The following FRAT2 variants were observed in gnomAD, a reference collection of about 807,000 sequenced individuals.
FRAT2 encodes FRAT regulator of Wnt signaling pathway 2, also known as GSK-3-binding protein FRAT2.
For synonymous variants in FRAT2, 205 were observed against 171.5 expected (o/e 1.20, Z -1.53); for missense variants, 326 against 340.8 (o/e 0.96, Z 0.34).
At position 97,334,510 on chromosome 10, in the gene FRAT2, C is replaced by G; in HGVS notation, c.63G>C (p.Glu21Asp). 2 of 1,494,136 alleles carry G rather than the reference C, an allele frequency of 1.3e-6. No individual in the cohort carries two copies. Among genetic ancestry groups the G allele is most frequent in the Admixed American group, 2.1e-5 (1 of 46,584 alleles). The allele number at this position is 1,494,136 out of a possible 1,614,324, so 92.6% of individuals were successfully genotyped here. The change falls in exon 1 of 1, where the codon GAG becomes GAC. Residue 21 changes from glutamate to aspartate, a missense_variant. By Grantham distance (45) the Glu-to-Asp change is conservative. Coordinates refer to ENST00000371019, the MANE Select transcript of FRAT2 (RefSeq NM_012083.3). ...AGEEAEGEEE[E>D]DDSFLLLQQS... ...GCTGCAGCAGGAGGAAGCTGTCGTC[C>G]TCCTCTTCCTCCCCCTCCGCCTCCT...
rs1166700877 is a variant in FRAT2 at position 97,333,817 on chromosome 10, G to A, written c.*54C>T. 7.1e-7 allele frequency: 1 copy of A among 1,413,504 alleles called. No individual in the cohort carries two copies. The highest frequency in any genetic ancestry group is 9.2e-7 in the Non-Finnish European group (1 of 1,085,752). 87.6% of individuals were successfully genotyped at this position (1,413,504 alleles called of 1,614,324 possible). The stretch of plus-strand genomic sequence containing the variant: ...CTTCAGCTCAGAGTTAGTAGGAACT[G>A]GACGCTGTTGGGTCTACGCAGCGGC... On this transcript the variant is annotated 3_prime_UTR_variant, in exon 1 of 1. Transcript: ENST00000371019.
rs936484227 is a variant in FRAT2, at chr10:97,334,718, T to G, written c.-146A>C. On this transcript the variant is annotated 5_prime_UTR_variant, in exon 1 of 1. Coordinates refer to ENST00000371019, the MANE Select transcript of FRAT2 (RefSeq NM_012083.3). Reference sequence around the variant, plus strand: ...ACTCGAGCCACGCGCCTGCAGCCGCTGGAGCCGGAATCCTGCCGGCTCGGG... The same window carrying G: ...ACTCGAGCCACGCGCCTGCAGCCGCGGGAGCCGGAATCCTGCCGGCTCGGG... The G allele has an allele frequency of 1.5e-5, 15 of 971,500 alleles. No individual in the cohort carries two copies. The highest frequency in any genetic ancestry group is 1.2e-4 in the African/African-American group (7 of 58,870). 60.2% of individuals were successfully genotyped at this position (971,500 alleles called of 1,614,324 possible).
Position 97,334,621 on chromosome 10 carries a change from G to A in FRAT2, c.-49C>T. The A allele has an allele frequency of 2.3e-6, 3 of 1,315,098 alleles. No homozygotes were observed. The highest frequency in any genetic ancestry group is 2.2e-4 in the Middle Eastern group (1 of 4,550). The allele number at this position is 1,315,098 out of a possible 1,614,324, so 81.5% of individuals were successfully genotyped here. A position where few individuals can be genotyped will look rare whatever the true frequency, so the allele number is the denominator to read the frequency against. On this transcript the variant is annotated 5_prime_UTR_variant, in exon 1 of 1. Coordinates refer to ENST00000371019, the MANE Select transcript of FRAT2 (RefSeq NM_012083.3). ...GCTGTGCGGGCTTCGCTGGGGGCTT[G>A]GTTGCCCGCGGGCGCGGAGCTGCGG...
At position 97,334,574 on chromosome 10, in the gene FRAT2, G is replaced by T. The variant is rs763443852; in HGVS notation, c.-2C>A. Reference sequence around the variant, plus strand: ...TTCCTCCTCCCTCCGGCACGGCATGGCCCCCCGTCCTGGCACCCGGAGCTG... The same window carrying T: ...TTCCTCCTCCCTCCGGCACGGCATGTCCCCCCGTCCTGGCACCCGGAGCTG... On this transcript the variant is annotated 5_prime_UTR_variant, in exon 1 of 1. Transcript: ENST00000371019. 2.1e-6 allele frequency: 3 copies of T among 1,443,894 alleles called. No individual in the cohort carries two copies. In the African/African-American group the frequency reaches 4.4e-5, roughly 21 times the overall value. 89.4% of individuals were successfully genotyped at this position (1,443,894 alleles called of 1,614,324 possible).
chr10:97,334,598 T>A lies in FRAT2; in HGVS notation c.-26A>T, dbSNP rs1843560413. 2.9e-6 allele frequency: 4 copies of A among 1,382,584 alleles called. No homozygotes were observed. The highest frequency in any genetic ancestry group is 1.5e-5 in the South Asian group (1 of 65,094). The allele number at this position is 1,382,584 out of a possible 1,614,324, so 85.6% of individuals were successfully genotyped here. On this transcript the variant is annotated 5_prime_UTR_variant, in exon 1 of 1. Transcript: ENST00000371019. ...GGCCCCCCGTCCTGGCACCCGGAGC[T>A]GTGCGGGCTTCGCTGGGGGCTTGGT...
Position 97,334,549 on chromosome 10 carries a change from T to A in FRAT2, c.24A>T (p.Glu8Asp). 1 of 1,476,408 alleles carries A rather than the reference T, an allele frequency of 6.8e-7. No homozygotes were observed. Among genetic ancestry groups the A allele is most frequent in the Non-Finnish European group, 9.0e-7 (1 of 1,115,994 alleles). The allele number at this position is 1,476,408 out of a possible 1,614,324, so 91.5% of individuals were successfully genotyped here. MPCRREE[E>D]EEAGEEAEGE... ...CCTCCGCCTCCTCGCCGGCTTCCTCTTCCTCCTCCCTCCGGCACGGCATGG... is the reference window on the plus strand; with the variant it reads ...CCTCCGCCTCCTCGCCGGCTTCCTCATCCTCCTCCCTCCGGCACGGCATGG... Residue 8 changes from glutamate (E) to aspartate (D), a missense_variant, in exon 1 of 1, where the codon GAA becomes GAT. Glu to Asp is a conservative substitution (Grantham distance 45). Coordinates refer to ENST00000371019, the MANE Select transcript of FRAT2 (RefSeq NM_012083.3).
In FRAT2 at chr10:97,334,489, CA is replaced by C; in HGVS notation, c.83del (p.Leu28ArgfsTer5). The C allele has an allele frequency of 6.7e-7, 1 of 1,493,780 alleles. No homozygotes were observed. Among genetic ancestry groups the C allele is most frequent in the South Asian group, 1.2e-5 (1 of 80,360 alleles). The allele number at this position is 1,493,780 out of a possible 1,614,324, so 92.5% of individuals were successfully genotyped here. A position where few individuals can be genotyped will look rare whatever the true frequency, so the allele number is the denominator to read the frequency against. ...AGCTGCCCAGCGTCACCGACTGCTG[CA>C]GCAGGAGGAAGCTGTCGTCCTCCTC... ...EEEEDDSFLLLQQSVTLGSSG... is the reference protein window; with the variant it reads ...EEEEDDSFLLXQQSVTLGSSG... On this transcript the variant is annotated frameshift_variant, in exon 1 of 1. Transcript: ENST00000371019. LOFTEE classifies it low-confidence loss of function (END_TRUNC).
chr10:97,333,883 G>A lies in FRAT2; in HGVS notation c.690C>T (p.Gly230=), dbSNP rs1451944214. The change falls in exon 1 of 1, where the codon GGC becomes GGT. Residue 230 remains glycine (G), a synonymous_variant. Coordinates refer to ENST00000371019, the MANE Select transcript of FRAT2 (RefSeq NM_012083.3). Reference sequence around the variant, plus strand: ...CAGGAGGCCTGCGTCAGAGCAAGGAGCCTGAGGGCTGCAGGGCAATGCGGT... The same window carrying A: ...CAGGAGGCCTGCGTCAGAGCAAGGAACCTGAGGGCTGCAGGGCAATGCGGT... ...GPDRIALQPS[G]SLL The A allele has an allele frequency of 6.5e-7, 1 of 1,539,008 alleles. No homozygotes were observed. Among genetic ancestry groups the A allele is most frequent in the Non-Finnish European group, 8.7e-7 (1 of 1,148,318 alleles).
In FRAT2 at chr10:97,333,817, G is replaced by T; in HGVS notation, c.*54C>A. 1 of 1,413,504 alleles carries T rather than the reference G, an allele frequency of 7.1e-7. No homozygotes were observed. The highest frequency in any genetic ancestry group is 2.7e-5 in the East Asian group (1 of 36,914). The allele number at this position is 1,413,504 out of a possible 1,614,324, so 87.6% of individuals were successfully genotyped here. Reference sequence around the variant, plus strand: ...CTTCAGCTCAGAGTTAGTAGGAACTGGACGCTGTTGGGTCTACGCAGCGGC... The same window carrying T: ...CTTCAGCTCAGAGTTAGTAGGAACTTGACGCTGTTGGGTCTACGCAGCGGC... On this transcript the variant is annotated 3_prime_UTR_variant, in exon 1 of 1. Transcript: ENST00000371019.
In FRAT2 at chr10:97,334,585, T is replaced by G; in HGVS notation, c.-13A>C. The stretch of plus-strand genomic sequence containing the variant: ...TCCGGCACGGCATGGCCCCCCGTCC[T>G]GGCACCCGGAGCTGTGCGGGCTTCG... On this transcript the variant is annotated 5_prime_UTR_variant, in exon 1 of 1. Coordinates refer to ENST00000371019, the MANE Select transcript of FRAT2 (RefSeq NM_012083.3). 2.8e-6 allele frequency: 4 copies of G among 1,428,138 alleles called. No homozygotes were observed. The highest frequency in any genetic ancestry group is 3.7e-6 in the Non-Finnish European group (4 of 1,086,988). The allele number at this position is 1,428,138 out of a possible 1,614,324, so 88.5% of individuals were successfully genotyped here. A position where few individuals can be genotyped will look rare whatever the true frequency, so the allele number is the denominator to read the frequency against.
Position 97,334,480 on chromosome 10 carries a change from C to A in FRAT2, c.93G>T (p.Ser31=). The part of the protein sequence containing the change: ...EDDSFLLLQQ[S]VTLGSSGEVD... Reference sequence around the variant, plus strand: ...CCTCGCCCGAGCTGCCCAGCGTCACCGACTGCTGCAGCAGGAGGAAGCTGT... The same window carrying A: ...CCTCGCCCGAGCTGCCCAGCGTCACAGACTGCTGCAGCAGGAGGAAGCTGT... Residue 31 remains serine (S), a synonymous_variant, in exon 1 of 1, where the codon TCG becomes TCT. Coordinates refer to ENST00000371019, the MANE Select transcript of FRAT2 (RefSeq NM_012083.3). The A allele has an allele frequency of 6.7e-7, 1 of 1,493,484 alleles. No individual in the cohort carries two copies. The allele number at this position is 1,493,484 out of a possible 1,614,324, so 92.5% of individuals were successfully genotyped here. A position where few individuals can be genotyped will look rare whatever the true frequency, so the allele number is the denominator to read the frequency against.
chr10:97,334,471 C>A lies in FRAT2; in HGVS notation c.102G>T (p.Leu34=). 1 of 1,492,172 alleles carries A rather than the reference C, an allele frequency of 6.7e-7. No homozygotes were observed. The allele number at this position is 1,492,172 out of a possible 1,614,324, so 92.4% of individuals were successfully genotyped here. The change falls in exon 1 of 1, where the codon CTG becomes CTT. Residue 34 remains leucine (L), a synonymous_variant. Transcript: ENST00000371019. Reference sequence around the variant, plus strand: ...GCCGGTCCACCTCGCCCGAGCTGCCCAGCGTCACCGACTGCTGCAGCAGGA... The same window carrying A: ...GCCGGTCCACCTCGCCCGAGCTGCCAAGCGTCACCGACTGCTGCAGCAGGA... ...SFLLLQQSVT[L]GSSGEVDRLV... is the part of the protein sequence containing the mutation.
Position 97,334,097 on chromosome 10 carries a change from T to A in FRAT2, c.476A>T (p.Gln159Leu). The A allele has an allele frequency of 6.3e-7, 1 of 1,587,646 alleles. No individual in the cohort carries two copies. The highest frequency in any genetic ancestry group is 8.5e-7 in the Non-Finnish European group (1 of 1,175,782). Residue 159 changes from glutamine to leucine, a missense_variant, in exon 1 of 1, where the codon CAG becomes CTG. Transcript: ENST00000371019. ...LRDAVTSRRLQQRRWTQAGAR... is the reference protein window; with the variant it reads ...LRDAVTSRRLLQRRWTQAGAR... ...CCCGGCTTGGGTCCATCGGCGCTGC[T>A]GCAAGCGGCGGGAGGTGACCGCGTC...
In FRAT2 at chr10:97,334,201, G is replaced by T; in HGVS notation, c.372C>A (p.Arg124=). The T allele has an allele frequency of 7.8e-7, 1 of 1,276,956 alleles. No individual in the cohort carries two copies. The highest frequency in any genetic ancestry group is 9.8e-7 in the Non-Finnish European group (1 of 1,017,256). The allele number at this position is 1,276,956 out of a possible 1,614,324, so 79.1% of individuals were successfully genotyped here. ...ALGDRGRVRG[R]AAPYCVAEVA... Reference sequence around the variant, plus strand: ...CCTCCGCCACGCAGTAGGGCGCAGCGCGTCCGCGCACGCGGCCGCGGTCCC... The same window carrying T: ...CCTCCGCCACGCAGTAGGGCGCAGCTCGTCCGCGCACGCGGCCGCGGTCCC... Residue 124 remains arginine, a synonymous_variant, in exon 1 of 1, where the codon CGC becomes CGA. Transcript: ENST00000371019.
In FRAT2 at chr10:97,333,826, T is replaced by G. The variant is rs1843547567; in HGVS notation, c.*45A>C. 1.4e-6 allele frequency: 2 copies of G among 1,428,782 alleles called. No homozygotes were observed. The highest frequency in any genetic ancestry group is 2.9e-5 in the African/African-American group (2 of 68,058). 88.5% of individuals were successfully genotyped at this position (1,428,782 alleles called of 1,614,324 possible). A position where few individuals can be genotyped will look rare whatever the true frequency, so the allele number is the denominator to read the frequency against. ...AGAGTTAGTAGGAACTGGACGCTGT[T>G]GGGTCTACGCAGCGGCCTCCACTTC... On this transcript the variant is annotated 3_prime_UTR_variant, in exon 1 of 1. Coordinates refer to ENST00000371019, the MANE Select transcript of FRAT2 (RefSeq NM_012083.3).
At position 97,333,963 on chromosome 10, in the gene FRAT2, C is replaced by T; in HGVS notation, c.610G>A (p.Ala204Thr). Reference sequence around the variant, plus strand: ...GGGGCGCTTGCGGGGCCCGTGGCTGCAACCGCGGCGACGGCTCGTTGGAGT... The same window carrying T: ...GGGGCGCTTGCGGGGCCCGTGGCTGTAACCGCGGCGACGGCTCGTTGGAGT... ...RRLQRAVAAV[A>T]ATGPASAPGP... Residue 204 changes from alanine to threonine, a missense_variant, in exon 1 of 1, where the codon GCA becomes ACA. Ala to Thr is a moderately conservative substitution (Grantham distance 58, BLOSUM62 0). Coordinates refer to ENST00000371019, the MANE Select transcript of FRAT2 (RefSeq NM_012083.3). 6.3e-7 allele frequency: 1 copy of T among 1,579,518 alleles called. No individual in the cohort carries two copies.
chr10:97,334,614 G>A lies in FRAT2; in HGVS notation c.-42C>T. 2.3e-6 allele frequency: 3 copies of A among 1,325,408 alleles called. No individual in the cohort carries two copies. Among genetic ancestry groups the A allele is most frequent in the Non-Finnish European group, 2.9e-6 (3 of 1,033,184 alleles). 82.1% of individuals were successfully genotyped at this position (1,325,408 alleles called of 1,614,324 possible). On this transcript the variant is annotated 5_prime_UTR_variant, in exon 1 of 1. Coordinates refer to ENST00000371019, the MANE Select transcript of FRAT2 (RefSeq NM_012083.3). ...ACCCGGAGCTGTGCGGGCTTCGCTG[G>A]GGGCTTGGTTGCCCGCGGGCGCGGA...
Position 97,334,616 on chromosome 10 carries a change from G to A in FRAT2, c.-44C>T. 1 of 1,321,610 alleles carries A rather than the reference G, an allele frequency of 7.6e-7. No individual in the cohort carries two copies. Among genetic ancestry groups the A allele is most frequent in the Non-Finnish European group, 9.7e-7 (1 of 1,031,480 alleles). 81.9% of individuals were successfully genotyped at this position (1,321,610 alleles called of 1,614,324 possible). On this transcript the variant is annotated 5_prime_UTR_variant, in exon 1 of 1. Coordinates refer to ENST00000371019, the MANE Select transcript of FRAT2 (RefSeq NM_012083.3). ...CCGGAGCTGTGCGGGCTTCGCTGGG[G>A]GCTTGGTTGCCCGCGGGCGCGGAGC...
rs1473512186 is a variant in FRAT2 at position 97,334,054 on chromosome 10, G to C, written c.519C>G (p.Asp173Glu). The C allele has an allele frequency of 1.3e-6, 2 of 1,595,360 alleles. No individual in the cohort carries two copies. The highest frequency in any genetic ancestry group is 2.2e-5 in the South Asian group (2 of 90,636). The change falls in exon 1 of 1, where the codon GAC becomes GAG. Residue 173 changes from aspartate to glutamate, a missense_variant. By Grantham distance (45) the Asp-to-Glu change is conservative. Transcript: ENST00000371019. Reference sequence around the variant, plus strand: ...GCTGCTGGAGGAGCCGATGCGGGTCGTCGTCGCCGGCGCGTGCCCCGGCTT... The same window carrying C: ...GCTGCTGGAGGAGCCGATGCGGGTCCTCGTCGCCGGCGCGTGCCCCGGCTT... ...WTQAGARAGDDDPHRLLQQLV... is the reference protein window; with the variant it reads ...WTQAGARAGDEDPHRLLQQLV...
Sources: gnomAD v4.1 joint callset for allele counts on GRCh38, gnomAD v4.1.1 for gene constraint, MANE v1.5 for transcripts, NCBI Gene and HGNC (gene_info 2026-07-23, HGNC 2026-07-21) for gene names.